CNTLN: variants seen among roughly 807,000 people sequenced by gnomAD.
The protein encoded by CNTLN is centlein, centrosomal protein.
A neutral mutation model predicts 180.0 loss-of-function variants in CNTLN; 212 were observed. The ratio of observed to expected loss-of-function variants is 1.18; its 90% confidence interval spans 1.05 to 1.32. The LOEUF (loss-of-function observed/expected upper bound fraction) is 1.32, where lower values mean the gene tolerates loss of function less well. Ranked by LOEUF, CNTLN falls within the 40% of genes most tolerant of loss-of-function variation. The pLI is 0.00. For missense variants in CNTLN, 2,095 were observed against 1,610.9 expected, an observed-to-expected ratio of 1.30 and a Z score of -5.14; for synonymous variants, 722 against 563.1, an observed-to-expected ratio of 1.28 and a Z score of -3.99.
chr9:17,176,016 A>G (rs764903509), intron 2 of CNTLN, among the ~76,000 whole-genome samples: 19 of 148,214 alleles, frequency 1.3e-4, no homozygotes, highest in Non-Finnish European at 2.6e-4. Flanking sequence ...CATGTTAATT[A>G]TCTATTGTAA....
In CNTLN at chr9:17,147,804, G is replaced by A. The variant is rs1040880602; in HGVS notation, c.449+4428G>A. Among the ~76,000 whole-genome samples the A allele has an allele frequency of 2.6e-5, 4 of 152,006 alleles. No homozygotes were observed. In the East Asian group the frequency reaches 7.7e-4, roughly 29 times the overall value. On this transcript the variant is annotated intron_variant, in intron 2 of 25. Coordinates refer to ENST00000380647, the MANE Select transcript of CNTLN (RefSeq NM_017738.4). ...ACCACTGTAATTTTGTTGTACATTA[G>A]GGCTATTTTTAAAAATAGTATAATA...
At chr9:17,247,943 A>T (rs902854024) in intron 5 of CNTLN, among the ~76,000 whole-genome samples, 4 of 150,060 alleles carry the variant, frequency 2.7e-5, no homozygotes, top group African/African-American at 2.4e-5. Context: ...CAATCCTCCA[A>T]CCTCAACCTT....
intron 2 of CNTLN, among the ~76,000 whole-genome samples, chr9:17,212,603 C>T (rs777319708): frequency 1.3e-5 from 2 of 152,018 alleles, no homozygotes; most frequent in Admixed American, 6.6e-5. Flanking sequence ...TCTTTTTCTA[C>T]TCATTGGAAT....
At chr9:17,153,852 C>G (rs966793318) in intron 2 of CNTLN, among the ~76,000 whole-genome samples, 1 of 151,966 alleles carries the variant, frequency 6.6e-6, no homozygotes, top group African/African-American at 2.4e-5. Flanking sequence ...TTTGTTTTTC[C>G]TTTTTATTCT....
chr9:17,244,457 AC>A (rs1031317092), intron 5 of CNTLN, among the ~76,000 whole-genome samples: 2 of 151,848 alleles, frequency 1.3e-5, no homozygotes, highest in African/African-American at 2.4e-5. Context: ...GGCTCAAGTG[AC>A]CCTCCTGCCT....
intron 15 of CNTLN, among the ~76,000 whole-genome samples, chr9:17,397,103 T>A (rs10810784): frequency 0.73 from 110,724 of 152,056 alleles, 42,506 homozygotes; most frequent in Non-Finnish European, 0.86. Flanking sequence ...CATTTACTTA[T>A]GTGCAAATAT....
At chr9:17,213,019 T>C (rs1823448149) in intron 2 of CNTLN, among the ~76,000 whole-genome samples, 1 of 152,304 alleles carries the variant, frequency 6.6e-6, no homozygotes, top group Non-Finnish European at 1.5e-5. Context: ...CTAGATTCAT[T>C]GATTTTTCTG....
chr9:17,363,460 C>G (rs73426103), intron 12 of CNTLN, among the ~76,000 whole-genome samples: 338 of 151,804 alleles, frequency 2.2e-3, no homozygotes, highest in African/African-American at 7.8e-3. Context: ...GACTTATGCT[C>G]CTTTTTAAAA....
At chr9:17,363,495 TAC>T (rs1303826385) in intron 12 of CNTLN, among the ~76,000 whole-genome samples, 5 of 151,852 alleles carry the variant, frequency 3.3e-5, no homozygotes, top group Admixed American at 6.6e-5. Context: ...TTTGATTTGA[TAC>T]AGTTTTTTTT....
At chr9:17,156,160 T>C (rs1334144519) in intron 2 of CNTLN, among the ~76,000 whole-genome samples, 1 of 152,208 alleles carries the variant, frequency 6.6e-6, no homozygotes, top group Non-Finnish European at 1.5e-5. Flanking sequence ...TGCAGACCAG[T>C]GCTGTTCCCT....
intron 2 of CNTLN, among the ~76,000 whole-genome samples, chr9:17,152,692 T>A (rs1818974873): frequency 6.6e-6 from 1 of 152,330 alleles, no homozygotes; most frequent in African/African-American, 2.4e-5. Flanking sequence ...GGTCCAGAGC[T>A]GAGTTCAACT....
chr9:17,494,683 T>C (rs957095924), intron 25 of CNTLN, among the ~76,000 whole-genome samples: 3 of 152,060 alleles, frequency 2.0e-5, no homozygotes, highest in African/African-American at 7.2e-5. Flanking sequence ...AAAATTCTTA[T>C]CCACAAGTGA....
chr9:17,471,805 G>C (rs921492684), intron 23 of CNTLN, among the ~76,000 whole-genome samples: 3 of 152,048 alleles, frequency 2.0e-5, no homozygotes, highest in African/African-American at 7.2e-5. Context: ...ACAGATAAGA[G>C]AGAAGTAAAG....
chr9:17,183,505 G>A (rs1821247603), intron 2 of CNTLN, among the ~76,000 whole-genome samples: 1 of 151,588 alleles, frequency 6.6e-6, no homozygotes, highest in Non-Finnish European at 1.5e-5. Flanking sequence ...TAAAAAAGGA[G>A]AAGAATATAA....
rs1430811370 is a variant in CNTLN, at chr9:17,466,981, T to C, written c.3855+90T>C. ...GAGATGATTTGGGGAATAAAGTTTC[T>C]TTCTGCTTTCCTAACACAGAAAGCA... On this transcript the variant is annotated intron_variant, in intron 23 of 25. Coordinates refer to ENST00000380647, the MANE Select transcript of CNTLN (RefSeq NM_017738.4). The C allele has an allele frequency of 4.8e-6, 4 of 827,420 alleles. No homozygotes were observed. In the African/African-American group the frequency reaches 5.3e-5, roughly 11 times the overall value. 51.3% of individuals were successfully genotyped at this position (827,420 alleles called of 1,614,324 possible).
chr9:17,378,401 G>T (rs529231324), intron 13 of CNTLN, among the ~76,000 whole-genome samples: 3 of 152,122 alleles, frequency 2.0e-5, no homozygotes, highest in South Asian at 4.2e-4. Flanking sequence ...GGATGGTCTC[G>T]ATCTCCTGAT....
chr9:17,292,712 A>G (rs181356017), intron 6 of CNTLN, among the ~76,000 whole-genome samples: 224 of 152,210 alleles, frequency 1.5e-3, no homozygotes, highest in African/African-American at 5.0e-3. Context: ...ATGTTTTATC[A>G]TGGTTCTTAG....
chr9:17,371,632 G>A (rs961735271), intron 13 of CNTLN, among the ~76,000 whole-genome samples: 1 of 152,088 alleles, frequency 6.6e-6, no homozygotes, highest in Admixed American at 6.6e-5. Flanking sequence ...AATATTTACA[G>A]AACATTTCAT....
intron 6 of CNTLN, among the ~76,000 whole-genome samples, chr9:17,290,982 G>T (rs1303322440): frequency 1.3e-5 from 2 of 152,072 alleles, no homozygotes; most frequent in Non-Finnish European, 2.9e-5. Context: ...TGTCGCTCAT[G>T]CTGGGAGCTG....
Sources: allele counts gnomAD v4.1 joint callset (sites outside exome capture counted in the v4.1 genomes callset), GRCh38; gene constraint gnomAD v4.1.1; transcripts MANE v1.5; gene names NCBI Gene and HGNC (gene_info 2026-07-23, HGNC 2026-07-21).